Variants in FREM2 observed in about 807,000 individuals in gnomAD.
FREM2 encodes the protein FRAS1-related extracellular matrix protein 2.
A neutral mutation model predicts 219.9 loss-of-function variants in FREM2; 119 were observed. That is an observed-to-expected ratio of 0.54 (90% CI 0.47 to 0.63). The LOEUF (loss-of-function observed/expected upper bound fraction) is 0.63, where lower values mean the gene tolerates loss of function less well. Ranked by LOEUF, FREM2 falls within the 30% of genes least tolerant of loss-of-function variation. The pLI is 0.00. For missense variants in FREM2, 4,030 were observed against 3,993.6 expected (o/e 1.01, Z -0.25); for synonymous variants, 1,562 against 1,522.8 (o/e 1.03, Z -0.60).
At position 38,691,586 on chromosome 13, in the gene FREM2, C is replaced by G. The variant is rs759621704; in HGVS notation, c.4242C>G (p.Ile1414Met). 7 of 1,613,962 alleles carry G rather than the reference C, an allele frequency of 4.3e-6. No individual in the cohort carries two copies. Among genetic ancestry groups the G allele is most frequent in the Non-Finnish European group, 5.9e-6 (7 of 1,179,992 alleles). ...TAGATCGTTACTTTTATGTGTCCAT[C>G]GGGAGCATTGACATTGTCTTCCCTG... ...PLIDRYFYVSIGSIDIVFPDV... is the reference protein window; with the variant it reads ...PLIDRYFYVSMGSIDIVFPDV... Residue 1414 changes from isoleucine to methionine, a missense_variant, in exon 1 of 24, where the codon ATC (isoleucine) becomes ATG (methionine). Ile to Met is a conservative substitution (Grantham distance 10). Coordinates refer to ENST00000280481, the MANE Select transcript of FREM2 (RefSeq NM_207361.6).
rs748570255 is a variant in FREM2 at position 38,872,974 on chromosome 13, C to T, written c.8176+40C>T. On this transcript the variant is annotated intron_variant, in intron 17 of 23. Transcript: ENST00000280481. The stretch of plus-strand genomic sequence containing the variant: ...CTTGGAAAATTCTATAGTTTTGTAA[C>T]CTATTTAAACTATTTAAGACGATTT... The T allele has an allele frequency of 2.5e-6, 4 of 1,577,618 alleles. No individual in the cohort carries two copies. In the South Asian group the frequency reaches 3.3e-5, roughly 13 times the overall value.
chr13:38,769,502 C>G, intron 3 of FREM2, 76 bp from the exon 4 acceptor site: 1 of 1,344,350 alleles, frequency 7.4e-7, no homozygotes, highest in Non-Finnish European at 1.0e-6. Flanking sequence ...AAATGACATG[C>G]AAAAAGTTAA....
chr13:38,786,188 A>G (rs1046707216), intron 6 of FREM2, among the ~76,000 whole-genome samples: 4 of 152,118 alleles, frequency 2.6e-5, no homozygotes, highest in African/African-American at 9.7e-5. Flanking sequence ...GTGTCCTTTA[A>G]CTAATCTTCC....
intron 6 of FREM2, among the ~76,000 whole-genome samples, chr13:38,803,929 A>T (rs927396122): frequency 7.9e-5 from 12 of 151,922 alleles, no homozygotes; most frequent in African/African-American, 2.9e-4. Context: ...GGGTGTGTGA[A>T]TGAAATTTTT....
intron 5 of FREM2, among the ~76,000 whole-genome samples, chr13:38,783,473 T>TAAAAAAAAAAAAAAAAAAAAAAAAA (rs141521145): frequency 8.1e-6 from 1 of 124,064 alleles, no homozygotes; most frequent in South Asian, 2.7e-4. Flanking sequence ...GGTTACTATA[T>TAAAAAAAAAAAAAAAAAAAAAAAAA]AAAAAAAAAA....
Position 38,874,597 on chromosome 13 carries a change from T to A in FREM2, c.8281+11T>A. 3 of 1,607,244 alleles carry A rather than the reference T, an allele frequency of 1.9e-6. No individual in the cohort carries two copies. Among genetic ancestry groups the A allele is most frequent in the Non-Finnish European group, 2.6e-6 (3 of 1,173,698 alleles). ...TGCTGTCACATCCCGGTAAGCCCCGTTATCTTTTAACAACCACTCCTCACA... is the reference window on the plus strand; with the variant it reads ...TGCTGTCACATCCCGGTAAGCCCCGATATCTTTTAACAACCACTCCTCACA... On this transcript the variant is annotated intron_variant, in intron 18 of 23. Coordinates refer to ENST00000280481, the MANE Select transcript of FREM2 (RefSeq NM_207361.6).
At chr13:38,759,450 T>TG (rs534509901) in intron 2 of FREM2, among the ~76,000 whole-genome samples, 2,560 of 125,790 alleles carry the variant, frequency 0.02, 24 homozygotes, top group Middle Eastern at 0.032. Flanking sequence ...TTTGTTATTC[T>TG]AAAAAAAAAA....
In FREM2 at chr13:38,766,367, A is replaced by G. The variant is rs1436379713; in HGVS notation, c.5410+1917A>G. Among the ~76,000 whole-genome samples the G allele has an allele frequency of 4.6e-5, 7 of 152,206 alleles. No individual in the cohort carries two copies. The East Asian group carries it at 1.2e-3, about 25-fold the overall frequency. ...ATAGGCTTTACTTGGTTCACTTCAC[A>G]TGGTTACTTAGTAACCTGGGGTGAT... On this transcript the variant is annotated intron_variant, in intron 3 of 23. Coordinates refer to ENST00000280481, the MANE Select transcript of FREM2 (RefSeq NM_207361.6).
intron 4 of FREM2, among the ~76,000 whole-genome samples, chr13:38,774,671 T>C (rs1422192443): frequency 6.6e-6 from 1 of 152,188 alleles, no homozygotes; most frequent in East Asian, 1.9e-4. Flanking sequence ...CCATTTTTGT[T>C]AAGGGAAAAT....
intron 21 of FREM2, 134 bp downstream of exon 21, chr13:38,877,377 C>G: frequency 1.0e-6 from 1 of 987,630 alleles, no homozygotes. Flanking sequence ...GGTCTTTACC[C>G]ACTCTGGCTG....
chr13:38,732,004 G>A (rs1470363375), intron 2 of FREM2, among the ~76,000 whole-genome samples: 1 of 152,140 alleles, frequency 6.6e-6, no homozygotes, highest in Non-Finnish European at 1.5e-5. Context: ...CATAGAGCTT[G>A]GAAATGAATA....
intron 6 of FREM2, among the ~76,000 whole-genome samples, chr13:38,792,511 A>G (rs1418462556): frequency 6.6e-6 from 1 of 152,180 alleles, no homozygotes; most frequent in African/African-American, 2.4e-5. Context: ...CCACATTTAC[A>G]TAACTTTTAT....
chr13:38,862,266 CAAG>C (rs1877789163), intron 15 of FREM2, among the ~76,000 whole-genome samples: 1 of 152,194 alleles, frequency 6.6e-6, no homozygotes, highest in Non-Finnish European at 1.5e-5. Flanking sequence ...TCCCCCAGAA[CAAG>C]AACATCTGCT....
chr13:38,750,063 T>C (rs1382620037), intron 2 of FREM2, among the ~76,000 whole-genome samples: 3 of 152,200 alleles, frequency 2.0e-5, no homozygotes, highest in African/African-American at 7.2e-5. Flanking sequence ...GTATGTAGTA[T>C]GCATTTGGAT....
In FREM2 at chr13:38,687,481, C is replaced by A; in HGVS notation, c.137C>A (p.Ala46Glu). Residue 46 changes from alanine to glutamate, a missense_variant, in exon 1 of 24, where the codon GCA (alanine) becomes GAA (glutamate). Transcript: ENST00000280481. ...CTGTCACTGGTAAGCCGCGTCCCGG[C>A]ACAGCCCGCTGCCTTCGGCAGGGCG... ...LLLSLVSRVP[A>E]QPAAFGRALL... 1 of 1,592,266 alleles carries A rather than the reference C, an allele frequency of 6.3e-7. No individual in the cohort carries two copies.
intron 6 of FREM2, among the ~76,000 whole-genome samples, chr13:38,813,512 CTCTCTCCTCT>C (rs1875600655): frequency 9.1e-5 from 1 of 11,048 alleles, no homozygotes; most frequent in African/African-American, 2.8e-4. Context: ...CTCTCTCTCT[CTCTCTCCTCT>C]CTCTCTCTCT....
chr13:38,848,433 A>G (rs777380320), intron 7 of FREM2, 28 bp from the exon 8 acceptor site: 48 of 1,516,420 alleles, frequency 3.2e-5, no homozygotes, highest in Non-Finnish European at 4.0e-5. Flanking sequence ...TTAGTCCCCA[A>G]CTGAATATTT....
chr13:38,844,073 G>A (rs1168186843), intron 6 of FREM2, among the ~76,000 whole-genome samples: 1 of 152,140 alleles, frequency 6.6e-6, no homozygotes, highest in East Asian at 1.9e-4. Context: ...TAAGGAAGTA[G>A]TTAATTAACT....
At chr13:38,696,359 G>T (rs760650626) in intron 1 of FREM2, among the ~76,000 whole-genome samples, 1 of 152,118 alleles carries the variant, frequency 6.6e-6, no homozygotes, top group Non-Finnish European at 1.5e-5. Flanking sequence ...GGCATCATTG[G>T]TCCATCCTAA....
Sources: gnomAD v4.1 joint callset for allele counts (sites outside exome capture counted in the v4.1 genomes callset) on GRCh38, gnomAD v4.1.1 for gene constraint, MANE v1.5 for transcripts, NCBI Gene and HGNC (gene_info 2026-07-23, HGNC 2026-07-21) for gene names.